SPIRE2: variants seen among roughly 807,000 people sequenced by gnomAD.
SPIRE2 encodes the protein protein spire homolog 2.
SPIRE2 carries 76 observed loss-of-function variants against 80.7 expected under a neutral mutation model. The ratio of observed to expected loss-of-function variants is 0.94; its 90% CI spans 0.78 to 1.14. The LOEUF (loss-of-function observed/expected upper bound fraction) is 1.14. Among genes scored for constraint, SPIRE2 ranks in the 50% most tolerant of loss-of-function variants. SPIRE2 has a pLI of 0.00. For missense variants in SPIRE2, 1,196 were observed against 1,015.3 expected (o/e 1.18, Z -2.42); for synonymous variants, 535 against 432.6 (o/e 1.24, Z -2.94).
chr16:89,858,872 C>T (rs1472246046), intron 8 of SPIRE2, among the ~76,000 whole-genome samples: 1 of 152,246 alleles, frequency 6.6e-6, no homozygotes, highest in African/African-American at 2.4e-5. Flanking sequence ...GTGAATGGGA[C>T]GCTCCTCTCT....
chr16:89,858,450 C>T lies in SPIRE2; in HGVS notation c.1215C>T (p.Pro405=). Reference sequence around the variant, plus strand: ...GGGGCAGCGCCCAGCGCCCGCGGCCCCGCGTGCTGCTCAAGGCGCCTACCT... The same window carrying T: ...GGGGCAGCGCCCAGCGCCCGCGGCCTCGCGTGCTGCTCAAGGCGCCTACCT... The part of the protein sequence containing the change: ...DAGGSAQRPR[P]RVLLKAPTLA... Residue 405 remains proline (P), a synonymous_variant, in exon 8 of 15, where the codon CCC becomes CCT. Coordinates refer to ENST00000378247, the MANE Select transcript of SPIRE2 (RefSeq NM_032451.2). The T allele has an allele frequency of 1.2e-6, 2 of 1,611,132 alleles. No individual in the cohort carries two copies. The highest frequency in any genetic ancestry group is 1.7e-6 in the Non-Finnish European group (2 of 1,179,314).
chr16:89,864,546 A>T (rs1402817021), intron 12 of SPIRE2, among the ~76,000 whole-genome samples: 1 of 152,226 alleles, frequency 6.6e-6, no homozygotes, highest in Non-Finnish European at 1.5e-5. Flanking sequence ...TACACAAAAA[A>T]TTTACCTTCC....
intron 2 of SPIRE2, chr16:89,846,296 G>C (rs917619115): frequency 9.2e-5 from 14 of 151,372 alleles, no homozygotes; most frequent in African/African-American, 3.4e-4. Flanking sequence ...CAAAGTGCTG[G>C]GATTACAGTT....
intron 5 of SPIRE2, among the ~76,000 whole-genome samples, 199 bp from the exon 6 acceptor site, chr16:89,855,401 G>C (rs372659103): frequency 1.3e-5 from 2 of 152,224 alleles, no homozygotes; most frequent in East Asian, 3.9e-4. Flanking sequence ...TCAGACCATG[G>C]ATGCTGTGGC....
At chr16:89,829,002 C>G (rs915922391) in intron 1 of SPIRE2, among the ~76,000 whole-genome samples, 40 of 152,328 alleles carry the variant, frequency 2.6e-4, no homozygotes, top group African/African-American at 9.1e-4. Context: ...CCTTCCTCTC[C>G]CTCCCCGGCC....
At chr16:89,845,484 T>G in intron 2 of SPIRE2, 119 bp downstream of exon 2, 1 of 928,910 alleles carries the variant, frequency 1.1e-6, no homozygotes, top group East Asian at 2.6e-5. Flanking sequence ...AGGGTGCAGA[T>G]GAAGTACCCA....
At chr16:89,855,836 C>T in intron 6 of SPIRE2, 150 bp downstream of exon 6, 3 of 934,598 alleles carry the variant, frequency 3.2e-6, no homozygotes, top group Non-Finnish European at 1.6e-6. Context: ...GGCTGGCTTC[C>T]TCTTGCCTGT....
chr16:89,856,748 C>T (rs2041695347), intron 7 of SPIRE2, among the ~76,000 whole-genome samples: 1 of 151,654 alleles, frequency 6.6e-6, no homozygotes, highest in Non-Finnish European at 1.5e-5. Flanking sequence ...GTGTGAACCA[C>T]TGCACCTGGC....
intron 1 of SPIRE2, among the ~76,000 whole-genome samples, chr16:89,831,873 A>G (rs950656034): frequency 6.8e-6 from 1 of 146,378 alleles, no homozygotes; most frequent in African/African-American, 2.5e-5. Context: ...GCTGTTTCGC[A>G]GCCCCGCGCA....
At chr16:89,829,922 G>A (rs1304035945) in intron 1 of SPIRE2, among the ~76,000 whole-genome samples, 2 of 151,400 alleles carry the variant, frequency 1.3e-5, no homozygotes. Flanking sequence ...GACGGCAGGT[G>A]CATGGGGCCC....
chr16:89,844,830 A>T (rs2041542003), intron 1 of SPIRE2, among the ~76,000 whole-genome samples: 2 of 151,924 alleles, frequency 1.3e-5, no homozygotes, highest in African/African-American at 4.8e-5. Flanking sequence ...CAGCTCTCCC[A>T]CCTCGGCATC....
In SPIRE2 at chr16:89,870,502, G is replaced by A. The variant is rs2041830792; in HGVS notation, c.*230G>A. The stretch of plus-strand genomic sequence containing the variant: ...TTTCTTCTCAGGATTCCTTGCCAGG[G>A]AGGAAGGGGAGGGAACAGGGTGGGT... On this transcript the variant is annotated 3_prime_UTR_variant, in exon 15 of 15. Coordinates refer to ENST00000378247, the MANE Select transcript of SPIRE2 (RefSeq NM_032451.2). The A allele has an allele frequency of 2.0e-6, 1 of 487,846 alleles. No individual in the cohort carries two copies. Among genetic ancestry groups the A allele is most frequent in the South Asian group, 2.6e-5 (1 of 37,830 alleles). 30.2% of individuals were successfully genotyped at this position (487,846 alleles called of 1,614,324 possible).
intron 2 of SPIRE2, chr16:89,845,614 T>C (rs1411542465): frequency 2.8e-6 from 2 of 702,154 alleles, no homozygotes; most frequent in African/African-American, 3.5e-5. Flanking sequence ...GTGGTGTTAC[T>C]TCCTTCCACA....
intron 13 of SPIRE2, among the ~76,000 whole-genome samples, chr16:89,869,053 A>AAACAAACATATATATATAT: frequency 1.2e-4 from 3 of 24,030 alleles, no homozygotes; most frequent in African/African-American, 4.9e-4. Flanking sequence ...AAAAAAAAAA[A>AAACAAACATATATATATAT]ATATATATAT....
At chr16:89,834,683 C>T (rs1452179510) in intron 1 of SPIRE2, among the ~76,000 whole-genome samples, 3 of 117,094 alleles carry the variant, frequency 2.6e-5, no homozygotes, top group African/African-American at 6.3e-5. Flanking sequence ...CCTGCCCGCA[C>T]TCGCGGTTGG....
rs1167102112 is a variant in SPIRE2 at position 89,828,822 on chromosome 16, G to A, written c.244+28G>A. ...GAGGCCGGGGGCGGGGCAGCCGGCG[G>A]GGACCGCGGTCTGGGGCGTCCGTCC... On this transcript the variant is annotated intron_variant, in intron 1 of 14. Transcript: ENST00000378247. This position sits in a 1 kb window ranked among gnomAD's most constrained non-coding sequence, Gnocchi z 5.9. 1.0e-5 allele frequency: 12 copies of A among 1,173,972 alleles called. No individual in the cohort carries two copies. Among genetic ancestry groups the A allele is most frequent in the Non-Finnish European group, 1.2e-5 (11 of 950,590 alleles). 72.7% of individuals were successfully genotyped at this position (1,173,972 alleles called of 1,614,324 possible).
chr16:89,851,758 G>C (rs2041629930), intron 3 of SPIRE2, among the ~76,000 whole-genome samples: 2 of 152,082 alleles, frequency 1.3e-5, no homozygotes, highest in South Asian at 4.2e-4. Context: ...TCATGGAGGA[G>C]AACGCCAGGC....
intron 12 of SPIRE2, among the ~76,000 whole-genome samples, chr16:89,866,904 C>A (rs2041794664): frequency 6.6e-6 from 1 of 152,082 alleles, no homozygotes; most frequent in East Asian, 1.9e-4. Flanking sequence ...CCACCGCGCC[C>A]AGCCTTGAAT....
At chr16:89,860,227 G>A (rs760283833) in intron 9 of SPIRE2, among the ~76,000 whole-genome samples, 2 of 152,138 alleles carry the variant, frequency 1.3e-5, no homozygotes, top group Admixed American at 1.3e-4. Context: ...CATGGGCCCC[G>A]ATGAATGTCC....
Sources: allele counts gnomAD v4.1 joint callset (sites outside exome capture counted in the v4.1 genomes callset), GRCh38; gene constraint gnomAD v4.1.1; non-coding constraint Gnocchi (gnomAD v3.1); transcripts MANE v1.5; gene names NCBI Gene and HGNC (gene_info 2026-07-23, HGNC 2026-07-21).